The following FAAH2 variants were observed in gnomAD, a reference collection of about 807,000 sequenced individuals.
FAAH2 encodes fatty acid amide hydrolase 2.
Under a neutral mutation model 36.9 loss-of-function variants are expected in FAAH2, and 60 were observed. The observed-to-expected ratio is 1.63, with a 90% CI of 1.32 to 2.02. The LOEUF (loss-of-function observed/expected upper bound fraction) is 2.02, where lower values mean the gene tolerates loss of function less well. FAAH2 is among the 30% of genes most tolerant of loss of function. The pLI is 0.00. For synonymous variants in FAAH2, 214 were observed against 143.8 expected (o/e 1.49, Z -3.49); for missense variants, 689 against 397.5 (o/e 1.73, Z -6.23).
chrX:57,125,080 G>T, the FAAH2 span, among the ~76,000 whole-genome samples: 1 of 112,584 alleles, frequency 8.9e-6, no homozygotes, highest in Non-Finnish European at 1.9e-5. Context: ...CCTGTCTTGT[G>T]CCAGTTTTCA....
At chrX:57,335,182 C>T (rs955110111) in intron 4 of FAAH2, among the ~76,000 whole-genome samples, 1 of 112,127 alleles carries the variant, frequency 8.9e-6, no homozygotes, top group Non-Finnish European at 1.9e-5. Context: ...TGGGTTGCCC[C>T]TCCACACCTG....
chrX:57,397,596 C>T (rs1482118584), intron 7 of FAAH2, among the ~76,000 whole-genome samples: 1 of 110,728 alleles, frequency 9.0e-6, no homozygotes, highest in African/African-American at 3.3e-5. Flanking sequence ...AAAACAGGCT[C>T]TCAATCTCTA....
At chrX:57,391,349 C>T (rs1415721431) in intron 7 of FAAH2, among the ~76,000 whole-genome samples, 2 of 111,044 alleles carry the variant, frequency 1.8e-5, no homozygotes, top group African/African-American at 6.5e-5. Flanking sequence ...CTTTTGTTTT[C>T]GTTGCATTTG....
At chrX:57,327,402 G>T (rs1468419232) in intron 3 of FAAH2, among the ~76,000 whole-genome samples, 2 of 109,993 alleles carry the variant, frequency 1.8e-5, no homozygotes, top group Admixed American at 9.7e-5. Context: ...GCTAGATTGG[G>T]GAATTTCTCC....
chrX:57,463,838 A>C (rs1056904199), intron 10 of FAAH2, among the ~76,000 whole-genome samples: 1 of 112,010 alleles, frequency 8.9e-6, no homozygotes, highest in Non-Finnish European at 1.9e-5. Context: ...TGTGGAAGGC[A>C]GTATGGCAAT....
chrX:57,397,307 T>C (rs1254187796), intron 7 of FAAH2, among the ~76,000 whole-genome samples: 3 of 112,004 alleles, frequency 2.7e-5, no homozygotes, highest in African/African-American at 9.7e-5. Context: ...GTCACACTGA[T>C]GTTAGCTATA....
chrX:57,226,899 T>C, the FAAH2 span, among the ~76,000 whole-genome samples: 1 of 112,263 alleles, frequency 8.9e-6, no homozygotes. Flanking sequence ...AAAGACTTTG[T>C]CTTCAAGCTC....
intron 7 of FAAH2, among the ~76,000 whole-genome samples, chrX:57,403,877 C>G (rs2055500994): frequency 8.9e-6 from 1 of 112,484 alleles, no homozygotes; most frequent in Non-Finnish European, 1.9e-5. Context: ...ACGGAATTTT[C>G]TGTGGTTAAT....
the FAAH2 span, among the ~76,000 whole-genome samples, chrX:57,266,206 G>A: frequency 2.7e-5 from 3 of 111,052 alleles, no homozygotes; most frequent in Non-Finnish European, 3.8e-5. Context: ...AGGTGTGTTC[G>A]GGCTGGCAAC....
chrX:57,289,454 A>G (rs888056038), intron 1 of FAAH2, among the ~76,000 whole-genome samples: 3 of 111,078 alleles, frequency 2.7e-5, no homozygotes, highest in African/African-American at 9.8e-5. Flanking sequence ...ACCATCATAC[A>G]TAGCCTGGTC....
At chrX:57,423,285 G>A (rs2056081550) in intron 7 of FAAH2, among the ~76,000 whole-genome samples, 1 of 112,031 alleles carries the variant, frequency 8.9e-6, no homozygotes, top group African/African-American at 3.2e-5. Context: ...CTAGTCTCAT[G>A]TGGGGAAGGA....
the FAAH2 span, among the ~76,000 whole-genome samples, chrX:57,277,759 A>G: frequency 8.9e-6 from 1 of 112,045 alleles, no homozygotes; most frequent in African/African-American, 3.2e-5. Flanking sequence ...AAAAATCACA[A>G]GCATTCCTAT....
intron 7 of FAAH2, among the ~76,000 whole-genome samples, chrX:57,390,725 T>C (rs1026634265): frequency 2.7e-5 from 3 of 111,868 alleles, no homozygotes; most frequent in Non-Finnish European, 3.8e-5. Context: ...CAGTCAACCA[T>C]TGATAAAAAC....
At chrX:57,254,650 T>G in the FAAH2 span, among the ~76,000 whole-genome samples, 87 of 111,717 alleles carry the variant, frequency 7.8e-4, no homozygotes, top group African/African-American at 2.8e-3. Flanking sequence ...ACATGGAAAC[T>G]GAAAAATTTG....
At chrX:57,439,372 A>C (rs970852506) in intron 8 of FAAH2, among the ~76,000 whole-genome samples, 1 of 111,471 alleles carries the variant, frequency 9.0e-6, no homozygotes, top group African/African-American at 3.3e-5. Flanking sequence ...GCATTTTTTC[A>C]TGTGTTTTTT....
chrX:57,361,451 C>T (rs2054283672), intron 5 of FAAH2, among the ~76,000 whole-genome samples: 2 of 111,069 alleles, frequency 1.8e-5, no homozygotes, highest in African/African-American at 6.5e-5. Context: ...AGTACAACTA[C>T]TAATGTATCC....
the FAAH2 span, among the ~76,000 whole-genome samples, chrX:57,152,391 G>T: frequency 8.9e-6 from 1 of 112,566 alleles, no homozygotes; most frequent in Non-Finnish European, 1.9e-5. Flanking sequence ...AGGCAGGCAG[G>T]CCTCCTTGAG....
chrX:57,231,342 C>G, the FAAH2 span, among the ~76,000 whole-genome samples: 1 of 110,694 alleles, frequency 9.0e-6, no homozygotes, highest in Non-Finnish European at 1.9e-5. Context: ...TCCTCTCACG[C>G]ATTACTTTAG....
Position 57,328,913 on chromosome X carries a change from G to A in FAAH2, c.413-2685G>A, listed in dbSNP as rs192917427. Reference sequence around the variant, plus strand: ...CCACTTTCTTCTCTGACTTTTGAAGGTTAGGAACCTTCTGGGAGGGCTGAG... The same window carrying A: ...CCACTTTCTTCTCTGACTTTTGAAGATTAGGAACCTTCTGGGAGGGCTGAG... On this transcript the variant is annotated intron_variant, in intron 3 of 10. Coordinates refer to ENST00000374900, the MANE Select transcript of FAAH2 (RefSeq NM_174912.4). Among the ~76,000 whole-genome samples the A allele has an allele frequency of 3.6e-5, 4 of 111,551 alleles. No individual in the cohort carries two copies. In the South Asian group the frequency reaches 1.5e-3, roughly 42 times the overall value.
Sources: allele counts gnomAD v4.1 joint callset (sites outside exome capture counted in the v4.1 genomes callset), GRCh38; gene constraint gnomAD v4.1.1; transcripts MANE v1.5; gene names NCBI Gene and HGNC (gene_info 2026-07-23, HGNC 2026-07-21).